Variants in SMOC2 observed in about 807,000 individuals in gnomAD.
The protein encoded by SMOC2 is SPARC-related modular calcium-binding protein 2.
Under a neutral mutation model 61.4 loss-of-function variants are expected in SMOC2, and 39 were observed. The ratio of observed to expected loss-of-function variants is 0.64; its 90% CI spans 0.49 to 0.83. SMOC2 has a LOEUF of 0.83. Ranked by LOEUF, SMOC2 falls within the 40% of genes least tolerant of loss-of-function variation. SMOC2 has a pLI of 0.00. For missense variants in SMOC2, 556 were observed against 592.9 expected (o/e 0.94, Z 0.65); for synonymous variants, 247 against 239.9 (o/e 1.03, Z -0.27).
At chr6:168,630,651 C>T (rs1383123833) in intron 9 of SMOC2, among the ~76,000 whole-genome samples, 2 of 152,260 alleles carry the variant, frequency 1.3e-5, no homozygotes, top group Non-Finnish European at 2.9e-5. Flanking sequence ...GCCGGTGAGC[C>T]GGGTGGAACA....
chr6:168,490,330 G>A (rs1291750859), intron 1 of SMOC2, among the ~76,000 whole-genome samples: 1 of 152,190 alleles, frequency 6.6e-6, no homozygotes, highest in Non-Finnish European at 1.5e-5. Context: ...AATATATCGG[G>A]GAGGAAGACA....
rs368747786 is a variant in SMOC2, at chr6:168,592,547, C to G, written c.638-6271C>G. ...CACGGGCATCTTTCTAGAGGATCTC[C>G]GAGCTCCTCCTCCTTCCTGAGGCCT... On this transcript the variant is annotated intron_variant, in intron 7 of 12. Transcript: ENST00000356284. 1.7e-3 allele frequency among the ~76,000 whole-genome samples: 134 copies of G among 79,452 alleles called. 24 individuals are homozygous for G. Among genetic ancestry groups the G allele is most frequent in the Non-Finnish European group, 2.4e-3 (92 of 38,336 alleles). 52.1% of individuals were successfully genotyped at this position (79,452 alleles called of 152,430 possible).
At chr6:168,488,444 G>A (rs1782385883) in intron 1 of SMOC2, among the ~76,000 whole-genome samples, 1 of 152,246 alleles carries the variant, frequency 6.6e-6, no homozygotes, top group African/African-American at 2.4e-5. Context: ...GGGTGCAGGT[G>A]TGAGATAGTC....
chr6:168,659,545 GCTGGGTGAGGA>G (rs1787425604), intron 11 of SMOC2, among the ~76,000 whole-genome samples: 2 of 85,424 alleles, frequency 2.3e-5, no homozygotes, highest in Non-Finnish European at 5.2e-5. Flanking sequence ...GAGGTTGTTG[GCTGGGTGAGGA>G]TGGAGGTTGT....
intron 5 of SMOC2, 59 bp downstream of exon 5, chr6:168,543,731 A>AT: frequency 6.7e-7 from 1 of 1,496,854 alleles, no homozygotes; most frequent in South Asian, 1.2e-5. Context: ...ATCCCGTGAA[A>AT]TAACTTCTCA....
At chr6:168,458,994 A>G (rs1781656182) in intron 1 of SMOC2, among the ~76,000 whole-genome samples, 1 of 152,248 alleles carries the variant, frequency 6.6e-6, no homozygotes, top group Non-Finnish European at 1.5e-5. Flanking sequence ...AAACGTGGTC[A>G]TAATTATGAA....
At position 168,475,626 on chromosome 6, in the gene SMOC2, C is replaced by G. The variant is rs4708743; in HGVS notation, c.84+34172C>G. 0.25 allele frequency among the ~76,000 whole-genome samples: 38,752 copies of G among 152,004 alleles called. 5,147 individuals carry two copies. The highest frequency in any genetic ancestry group is 0.35 in the Admixed American group (5,324 of 15,274). ...TCAGGACTGAGACAGGAGGGTGAGT[C>G]CAGAGCGGGGACAGAGGACGAGAAC... is the stretch of plus-strand genomic sequence containing the variant. On this transcript the variant is annotated intron_variant, in intron 1 of 12. Coordinates refer to ENST00000356284, the MANE Select transcript of SMOC2 (RefSeq NM_001166412.2). The surrounding 1 kb of genome is among the most constrained non-coding windows in gnomAD (Gnocchi z 4.6).
chr6:168,530,771 T>C (rs1448312624), intron 4 of SMOC2, among the ~76,000 whole-genome samples: 1 of 151,926 alleles, frequency 6.6e-6, no homozygotes, highest in African/African-American at 2.4e-5. Flanking sequence ...GTTTGCCCCT[T>C]TGCATGTGGG....
At chr6:168,632,020 A>G (rs1786583348) in intron 9 of SMOC2, among the ~76,000 whole-genome samples, 1 of 152,236 alleles carries the variant, frequency 6.6e-6, no homozygotes, top group Non-Finnish European at 1.5e-5. Context: ...GGCCTATCAC[A>G]GTCATCACAC....
chr6:168,640,358 C>T (rs1411383146), intron 9 of SMOC2, among the ~76,000 whole-genome samples: 1 of 152,118 alleles, frequency 6.6e-6, no homozygotes, highest in African/African-American at 2.4e-5. Context: ...GGAGAGGAAG[C>T]ATGGGGCAGG....
Position 168,457,586 on chromosome 6 carries a change from G to A in SMOC2, c.84+16132G>A, listed in dbSNP as rs572789562. Reference sequence around the variant, plus strand: ...AATCCTCCCAGAACATGAGCCCCGCGTCACGTCCTTCCAGCCGTGCTTGTG... The same window carrying A: ...AATCCTCCCAGAACATGAGCCCCGCATCACGTCCTTCCAGCCGTGCTTGTG... On this transcript the variant is annotated intron_variant, in intron 1 of 12. Coordinates refer to ENST00000356284, the MANE Select transcript of SMOC2 (RefSeq NM_001166412.2). Among the ~76,000 whole-genome samples, 169 of 152,286 alleles carry A rather than the reference G, an allele frequency of 1.1e-3. 1 individual carries two copies. Among genetic ancestry groups the A allele is most frequent in the African/African-American group, 3.9e-3 (162 of 41,552 alleles).
At chr6:168,618,177 T>C (rs183596507) in intron 9 of SMOC2, among the ~76,000 whole-genome samples, 3 of 152,360 alleles carry the variant, frequency 2.0e-5, no homozygotes, top group East Asian at 3.9e-4. Flanking sequence ...ATCACCACGA[T>C]GAAATAATTA....
chr6:168,575,192 A>G (rs758340840), intron 7 of SMOC2, among the ~76,000 whole-genome samples: 2 of 152,174 alleles, frequency 1.3e-5, no homozygotes, highest in Non-Finnish European at 2.9e-5. Flanking sequence ...GGAAGAGCTC[A>G]GCACCGAGTG....
intron 9 of SMOC2, among the ~76,000 whole-genome samples, chr6:168,635,877 A>AG (rs1040455348): frequency 2.0e-4 from 31 of 151,850 alleles, no homozygotes; most frequent in Admixed American, 2.0e-3. Context: ...TCTCAAAAAA[A>AG]AAAAAAAAGT....
At chr6:168,523,400 T>C (rs927890809) in intron 2 of SMOC2, among the ~76,000 whole-genome samples, 2 of 150,210 alleles carry the variant, frequency 1.3e-5, no homozygotes, top group Admixed American at 1.3e-4. Context: ...TAATTCTTTT[T>C]TTTTTGTGGC....
chr6:168,451,617 CTCTCTCTCTCT>C (rs1259516175), intron 1 of SMOC2, among the ~76,000 whole-genome samples: 1 of 151,390 alleles, frequency 6.6e-6, no homozygotes, highest in Non-Finnish European at 1.5e-5. Flanking sequence ...CTCTCTCTCT[CTCTCTCTCTCT>C]CCCTCCCTCT....
chr6:168,630,837 T>C (rs1335180248), intron 9 of SMOC2, among the ~76,000 whole-genome samples: 1 of 152,090 alleles, frequency 6.6e-6, no homozygotes, highest in Admixed American at 6.5e-5. Context: ...TAGACTCCAG[T>C]CTCCTATAGT....
chr6:168,614,086 G>GA (rs1785975910), intron 9 of SMOC2, among the ~76,000 whole-genome samples: 1 of 97,236 alleles, frequency 1.0e-5, no homozygotes. Context: ...GCCAGCACAG[G>GA]GCCTCTTCAT....
chr6:168,464,318 C>T (rs1323938483), intron 1 of SMOC2, among the ~76,000 whole-genome samples: 1 of 152,054 alleles, frequency 6.6e-6, no homozygotes, highest in Non-Finnish European at 1.5e-5. Context: ...AAGGAAATCT[C>T]CTTCCACTTG....
Sources: allele counts gnomAD v4.1 joint callset (sites outside exome capture counted in the v4.1 genomes callset), GRCh38; gene constraint gnomAD v4.1.1; non-coding constraint Gnocchi (gnomAD v3.1); transcripts MANE v1.5; gene names NCBI Gene and HGNC (gene_info 2026-07-23, HGNC 2026-07-21).